RLF: variants seen among roughly 807,000 people sequenced by gnomAD.
The protein encoded by RLF is zinc finger protein Rlf.
Under a neutral mutation model 162.9 loss-of-function variants are expected in RLF, and 7 were observed. The observed-to-expected ratio is 0.04, with a 90% CI of 0.02 to 0.08. The LOEUF is 0.08. RLF is among the 10% of genes least tolerant of loss of function. The probability of loss-of-function intolerance (pLI) is 1.00; values close to 1 mark genes in which losing one functional copy is unlikely to be tolerated. For missense variants in RLF, 1,664 were observed against 2,244.7 expected, an observed-to-expected ratio of 0.74 and a Z score of 5.23; for synonymous variants, 782 against 791.5, an observed-to-expected ratio of 0.99 and a Z score of 0.20.
At chr1:40,194,220 A>C (rs1037146133) in intron 3 of RLF, among the ~76,000 whole-genome samples, 1 of 152,170 alleles carries the variant, frequency 6.6e-6, no homozygotes, top group Non-Finnish European at 1.5e-5. Context: ...GCAATTTTTT[A>C]GACGAATTTA....
chr1:40,205,091 GA>G (rs1211936169), intron 5 of RLF, among the ~76,000 whole-genome samples: 1 of 152,070 alleles, frequency 6.6e-6, no homozygotes, highest in Non-Finnish European at 1.5e-5. Context: ...TTACATCATC[GA>G]TTTCCCTGTC....
intron 3 of RLF, among the ~76,000 whole-genome samples, chr1:40,191,166 A>G (rs1031276489): frequency 4.6e-5 from 7 of 152,230 alleles, no homozygotes; most frequent in African/African-American, 1.4e-4. Flanking sequence ...CCTTCATAGC[A>G]TACTTATTGG....
At chr1:40,204,959 C>A (rs1239182234) in intron 5 of RLF, among the ~76,000 whole-genome samples, 1 of 152,188 alleles carries the variant, frequency 6.6e-6, no homozygotes, top group Non-Finnish European at 1.5e-5. Flanking sequence ...TACATCTTCT[C>A]TTCTGTTACT....
At chr1:40,184,859 C>T (rs559498978) in intron 1 of RLF, among the ~76,000 whole-genome samples, 1 of 152,206 alleles carries the variant, frequency 6.6e-6, no homozygotes, top group African/African-American at 2.4e-5. Context: ...TTAATTTGGT[C>T]ACTGTAGAAT....
chr1:40,236,162 C>T lies in RLF; in HGVS notation c.1460C>T (p.Ala487Val), dbSNP rs1643214962. The change falls in exon 8 of 8, where the codon GCC (alanine) becomes GTC (valine). Residue 487 changes from alanine (A) to valine (V), a missense_variant. Coordinates refer to ENST00000372771, the MANE Select transcript of RLF (RefSeq NM_012421.4). This position sits in a 1 kb window ranked among gnomAD's most constrained non-coding sequence, Gnocchi z 7.7. ...TGCCACCAACTTTTAGGACAAGAAGCCTCAGATTCTGATGATGATTTAAGT... is the reference window on the plus strand; with the variant it reads ...TGCCACCAACTTTTAGGACAAGAAGTCTCAGATTCTGATGATGATTTAAGT... ...RHCHQLLGQE[A>V]SDSDDDLSGY... 1.2e-6 allele frequency: 2 copies of T among 1,613,580 alleles called. No homozygotes were observed. The highest frequency in any genetic ancestry group is 1.3e-5 in the African/African-American group (1 of 74,842).
chr1:40,221,773 G>C (rs780822737), intron 5 of RLF, among the ~76,000 whole-genome samples: 1 of 151,710 alleles, frequency 6.6e-6, no homozygotes, highest in African/African-American at 2.4e-5. Context: ...GGTGGTGGGC[G>C]CCTGTAGTCC....
At chr1:40,200,867 TACACACAC>T (rs71060356) in intron 4 of RLF, among the ~76,000 whole-genome samples, 1,061 of 34,770 alleles carry the variant, frequency 0.031, 38 homozygotes, top group Non-Finnish European at 0.034. Flanking sequence ...ATTGCTACTC[TACACACAC>T]ACACACACAC....
At chr1:40,213,130 CAG>C (rs1454059502) in intron 5 of RLF, among the ~76,000 whole-genome samples, 1 of 152,182 alleles carries the variant, frequency 6.6e-6, no homozygotes, top group African/African-American at 2.4e-5. Flanking sequence ...ACACTAATGA[CAG>C]AAAGTCTGTG....
At position 40,239,058 on chromosome 1, in the gene RLF, C is replaced by T; in HGVS notation, c.4356C>T (p.Gly1452=). 6.2e-7 allele frequency: 1 copy of T among 1,614,108 alleles called. No homozygotes were observed. Among genetic ancestry groups the T allele is most frequent in the Non-Finnish European group, 8.5e-7 (1 of 1,180,012 alleles). ...YEIHCDLNGC[G]QIFTHRSNYS... is the part of the protein sequence containing the mutation. The stretch of plus-strand genomic sequence containing the variant: ...TTCATTGTGATCTTAATGGCTGTGG[C>T]CAGATTTTCACCCATCGCAGTAATT... Residue 1452 remains glycine, a synonymous_variant, in exon 8 of 8, where the codon GGC becomes GGT. Coordinates refer to ENST00000372771, the MANE Select transcript of RLF (RefSeq NM_012421.4).
chr1:40,183,648 G>A (rs2124532147), intron 1 of RLF, among the ~76,000 whole-genome samples: 2 of 152,228 alleles, frequency 1.3e-5, no homozygotes, highest in South Asian at 4.1e-4. Context: ...TTAAGTGTGG[G>A]CTGAGGAGCC....
chr1:40,236,700 A>G lies in RLF; in HGVS notation c.1998A>G (p.Gln666=), dbSNP rs1643222361. ...TFSKLEDCHL[Q]DRDLYPCPGT... is the part of the protein sequence containing the mutation. Reference sequence around the variant, plus strand: ...GCAAATTAGAAGATTGCCACCTGCAAGACAGAGATTTGTATCCATGTCCCG... The same window carrying G: ...GCAAATTAGAAGATTGCCACCTGCAGGACAGAGATTTGTATCCATGTCCCG... Residue 666 remains glutamine, a synonymous_variant, in exon 8 of 8, where the codon CAA becomes CAG. Coordinates refer to ENST00000372771, the MANE Select transcript of RLF (RefSeq NM_012421.4). This position sits in a 1 kb window ranked among gnomAD's most constrained non-coding sequence, Gnocchi z 7.7. 1.9e-6 allele frequency: 3 copies of G among 1,614,138 alleles called. No individual in the cohort carries two copies. Among genetic ancestry groups the G allele is most frequent in the Non-Finnish European group, 2.5e-6 (3 of 1,180,022 alleles).
intron 5 of RLF, among the ~76,000 whole-genome samples, chr1:40,220,991 G>T (rs1642985877): frequency 6.7e-6 from 1 of 149,626 alleles, no homozygotes; most frequent in African/African-American, 2.5e-5. Context: ...AAAAAAAAAG[G>T]TGTGGTGGTA....
intron 5 of RLF, among the ~76,000 whole-genome samples, chr1:40,207,600 A>G (rs1426476330): frequency 6.6e-6 from 1 of 152,072 alleles, no homozygotes; most frequent in Admixed American, 6.6e-5. Context: ...AGAATCTTTT[A>G]TCAGATTTTT....
chr1:40,161,512 G>A lies in RLF; in HGVS notation c.113G>A (p.Arg38His). 1.9e-6 allele frequency: 3 copies of A among 1,604,406 alleles called. No homozygotes were observed. Among genetic ancestry groups the A allele is most frequent in the Admixed American group, 1.7e-5 (1 of 58,286 alleles). ...ACTGAGTCCATGGTTCGGGGTCATC[G>A]CCCCGTATCTCCAGCGCCGGGAGCC... ...VETESMVRGH[R>H]PVSPAPGASG... Residue 38 changes from arginine (R) to histidine (H), a missense_variant, in exon 1 of 8, where the codon CGC becomes CAC. Physicochemically the swap from Arg to His is conservative, Grantham distance 29. Around this residue, in one of 15 missense-constraint regions of RLF, gnomAD observed 134 missense variants for 124.3 expected, o/e 1.08. Coordinates refer to ENST00000372771, the MANE Select transcript of RLF (RefSeq NM_012421.4). This position sits in a 1 kb window ranked among gnomAD's most constrained non-coding sequence, Gnocchi z 4.4.
rs756350595 is a variant in RLF, at chr1:40,239,706, C to T, written c.5004C>T (p.Tyr1668=). 6.2e-7 allele frequency: 1 copy of T among 1,614,194 alleles called. No individual in the cohort carries two copies. Among genetic ancestry groups the T allele is most frequent in the Admixed American group, 1.7e-5 (1 of 60,018 alleles). The change falls in exon 8 of 8, where the codon TAC becomes TAT. Residue 1668 remains tyrosine, a synonymous_variant. Coordinates refer to ENST00000372771, the MANE Select transcript of RLF (RefSeq NM_012421.4). ...SSVFDADTLL[Y]RGTLKCNHSS... ...TATTTGATGCAGATACTCTGCTCTACAGGGGAACTTTGAAATGTAATCATA... is the reference window on the plus strand; with the variant it reads ...TATTTGATGCAGATACTCTGCTCTATAGGGGAACTTTGAAATGTAATCATA...
intron 1 of RLF, among the ~76,000 whole-genome samples, chr1:40,175,205 T>TGG (rs372376297): frequency 4.2e-3 from 166 of 39,982 alleles, no homozygotes; most frequent in African/African-American, 0.011. Flanking sequence ...ATGGTGGGGG[T>TGG]GGGGGGGGGA....
rs745663529 is a variant in RLF at position 40,239,830 on chromosome 1, G to A, written c.5128G>A (p.Gly1710Arg). The change falls in exon 8 of 8, where the codon GGG becomes AGG. Residue 1710 changes from glycine to arginine, a missense_variant. Gly to Arg is a moderately radical substitution (Grantham distance 125, BLOSUM62 -2). This residue lies in a region of RLF where 327 missense variants were observed against 342.7 expected (regional missense o/e 0.95). Coordinates refer to ENST00000372771, the MANE Select transcript of RLF (RefSeq NM_012421.4). Reference protein sequence around the residue: ...SIPNPNGTESGTYFTSFQLPL... With the variant: ...SIPNPNGTESRTYFTSFQLPL... ...ACCTAATCCCAATGGGACTGAAAGT[G>A]GGACTTATTTCACAAGTTTCCAGCT... The A allele has an allele frequency of 3.7e-6, 6 of 1,613,902 alleles. No individual in the cohort carries two copies. The highest frequency in any genetic ancestry group is 2.2e-5 in the East Asian group (1 of 44,888).
chr1:40,196,367 C>T (rs567875087), intron 4 of RLF, among the ~76,000 whole-genome samples: 44 of 151,886 alleles, frequency 2.9e-4, no homozygotes, highest in African/African-American at 1.0e-3. Context: ...CCACTGCGCC[C>T]GGTCTGCTTA....
chr1:40,225,877 G>A (rs1003091752), intron 6 of RLF, among the ~76,000 whole-genome samples: 2 of 52,930 alleles, frequency 3.8e-5, no homozygotes, highest in East Asian at 6.8e-4. Flanking sequence ...AGACTCCGTC[G>A]CAAAAAAAAA....
Sources: gnomAD v4.1 joint callset for allele counts (sites outside exome capture counted in the v4.1 genomes callset) on GRCh38, gnomAD v4.1.1 for gene constraint, gnomAD v4.1.1 regional missense constraint, Gnocchi (gnomAD v3.1) non-coding constraint, MANE v1.5 for transcripts, NCBI Gene and HGNC (gene_info 2026-07-23, HGNC 2026-07-21) for gene names.